SLC24A2: variants seen among roughly 807,000 people sequenced by gnomAD.
SLC24A2 encodes the protein sodium/potassium/calcium exchanger 2.
SLC24A2 carries 36 observed loss-of-function variants against 62.0 expected under a neutral mutation model. The ratio of observed to expected loss-of-function variants is 0.58; its 90% CI spans 0.44 to 0.77. SLC24A2 has a LOEUF of 0.77. SLC24A2 is among the 30% of genes least tolerant of loss of function. SLC24A2 has a pLI of 0.00. For missense variants in SLC24A2, 846 were observed against 817.9 expected (o/e 1.03, Z -0.42); for synonymous variants, 358 against 294.0 (o/e 1.22, Z -2.23).
chr9:19,584,273 T>TAAAAAAAAAAAAAAAAAC (rs1836294385), intron 5 of SLC24A2, among the ~76,000 whole-genome samples: 1 of 119,944 alleles, frequency 8.3e-6, no homozygotes, highest in Non-Finnish European at 1.7e-5. Context: ...TAGCAAATAG[T>TAAAAAAAAAAAAAAAAAC]AAAAAAAAAA....
At chr9:19,833,323 C>T in the SLC24A2 span, among the ~76,000 whole-genome samples, 1 of 152,152 alleles carries the variant, frequency 6.6e-6, no homozygotes, top group Non-Finnish European at 1.5e-5. Context: ...ATTCCCTTTC[C>T]TAGTAAAAGA....
At chr9:19,565,648 G>C (rs9695049) in intron 7 of SLC24A2, among the ~76,000 whole-genome samples, 131,943 of 152,134 alleles carry the variant, frequency 0.87, 57,826 homozygotes, top group East Asian at 1. Flanking sequence ...AAAGAGCCCA[G>C]ATTGCCAAGA....
At chr9:20,214,826 A>C in the SLC24A2 span, among the ~76,000 whole-genome samples, 2 of 152,158 alleles carry the variant, frequency 1.3e-5, no homozygotes, top group Non-Finnish European at 2.9e-5. Flanking sequence ...TTCTCACATA[A>C]ATGTAACTCA....
the SLC24A2 span, among the ~76,000 whole-genome samples, chr9:20,060,389 GC>G: frequency 0.035 from 5,332 of 152,108 alleles, 137 homozygotes; most frequent in Non-Finnish European, 0.053. Flanking sequence ...AAACATAGAT[GC>G]AAAAATCCTT....
chr9:19,790,530 CAAAA>C (rs3086381), upstream of SLC24A2, among the ~76,000 whole-genome samples: 2 of 122,400 alleles, frequency 1.6e-5, no homozygotes, highest in East Asian at 2.4e-4. Context: ...ATTTGAGCAT[CAAAA>C]AAAAAAAAAA....
chr9:19,578,303 C>T (rs904145590), intron 5 of SLC24A2, among the ~76,000 whole-genome samples: 4 of 147,646 alleles, frequency 2.7e-5, no homozygotes, highest in South Asian at 2.1e-4. Flanking sequence ...AACACAAGTG[C>T]GATGTTTCAT....
chr9:19,987,822 C>T, the SLC24A2 span, among the ~76,000 whole-genome samples: 1 of 152,158 alleles, frequency 6.6e-6, no homozygotes, highest in African/African-American at 2.4e-5. Flanking sequence ...AAAACTGAAG[C>T]CACCAATCCT....
At chr9:19,821,189 A>G in the SLC24A2 span, among the ~76,000 whole-genome samples, 5 of 152,168 alleles carry the variant, frequency 3.3e-5, no homozygotes, top group Admixed American at 6.6e-5. Context: ...CACTGTGAGG[A>G]TTCAGAAACA....
chr9:19,553,719 G>C (rs920884364), intron 7 of SLC24A2, among the ~76,000 whole-genome samples: 2 of 152,230 alleles, frequency 1.3e-5, no homozygotes, highest in African/African-American at 2.4e-5. Context: ...CCTGCAAGCA[G>C]TCACTAAGCA....
chr9:19,917,691 TAAC>T, the SLC24A2 span, among the ~76,000 whole-genome samples: 1 of 152,104 alleles, frequency 6.6e-6, no homozygotes, highest in African/African-American at 2.4e-5. Flanking sequence ...AACAAATACT[TAAC>T]AAACGTTTCA....
chr9:19,755,185 AT>A (rs948512393), intron 2 of SLC24A2, among the ~76,000 whole-genome samples: 72 of 152,284 alleles, frequency 4.7e-4, no homozygotes, highest in African/African-American at 1.7e-3. Flanking sequence ...TTTTTACATG[AT>A]GGGGATACTA....
the SLC24A2 span, among the ~76,000 whole-genome samples, chr9:19,940,766 C>T: frequency 1.3e-5 from 2 of 152,222 alleles, no homozygotes; most frequent in Admixed American, 6.5e-5. Flanking sequence ...GCCTACAATG[C>T]CTGCTCCCAA....
chr9:19,541,341 C>G (rs1168803566), intron 8 of SLC24A2, among the ~76,000 whole-genome samples: 1 of 150,178 alleles, frequency 6.7e-6, no homozygotes, highest in Non-Finnish European at 1.5e-5. Flanking sequence ...GTGGTTTTAT[C>G]TACTTTTGGT....
the SLC24A2 span, among the ~76,000 whole-genome samples, chr9:20,120,933 A>G: frequency 1.1e-5 from 1 of 90,316 alleles, no homozygotes; most frequent in Non-Finnish European, 2.2e-5. Flanking sequence ...AATTGATTGT[A>G]TATATATATA....
the SLC24A2 span, among the ~76,000 whole-genome samples, chr9:20,048,188 T>C: frequency 6.6e-6 from 1 of 152,208 alleles, no homozygotes; most frequent in Non-Finnish European, 1.5e-5. Flanking sequence ...GTACTATGAG[T>C]GTCACTGTTA....
At chr9:19,614,913 C>T (rs576040402) in intron 4 of SLC24A2, among the ~76,000 whole-genome samples, 2 of 152,168 alleles carry the variant, frequency 1.3e-5, no homozygotes, top group African/African-American at 4.8e-5. Context: ...AATGATGCCA[C>T]ATGGAACAGA....
At chr9:19,557,462 A>T (rs1835153224) in intron 7 of SLC24A2, among the ~76,000 whole-genome samples, 1 of 152,240 alleles carries the variant, frequency 6.6e-6, no homozygotes, top group East Asian at 1.9e-4. Flanking sequence ...AAATAATACA[A>T]GGGAGTTTAT....
the SLC24A2 span, among the ~76,000 whole-genome samples, chr9:20,043,886 A>G: frequency 6.6e-6 from 1 of 152,236 alleles, no homozygotes; most frequent in Non-Finnish European, 1.5e-5. Flanking sequence ...AAGAATTTCT[A>G]CTGTGGGTAA....
the SLC24A2 span, among the ~76,000 whole-genome samples, chr9:20,177,686 C>A: frequency 6.6e-6 from 1 of 151,948 alleles, no homozygotes; most frequent in Non-Finnish European, 1.5e-5. Flanking sequence ...TAAACAGATT[C>A]TAAAATATAA....
Sources: gnomAD v4.1 joint callset for allele counts (sites outside exome capture counted in the v4.1 genomes callset) on GRCh38, gnomAD v4.1.1 for gene constraint, MANE v1.5 for transcripts, NCBI Gene and HGNC (gene_info 2026-07-23, HGNC 2026-07-21) for gene names.